Variants in PTPN6 observed in about 807,000 individuals in gnomAD.
The protein encoded by PTPN6 is protein tyrosine phosphatase non-receptor type 6.
PTPN6 carries 18 observed loss-of-function variants against 81.5 expected under a neutral mutation model. The ratio of observed to expected loss-of-function variants is 0.22; its 90% CI spans 0.15 to 0.33. The LOEUF is 0.33. PTPN6 is among the 10% of genes least tolerant of loss of function. The pLI is 1.00. For synonymous variants in PTPN6, 301 were observed against 310.9 expected (o/e 0.97, Z 0.33); for missense variants, 500 against 794.2 (o/e 0.63, Z 4.45).
rs373232792 is a variant in PTPN6, at chr12:6,960,032, C to T, written c.1429+38C>T. 1.3e-4 allele frequency: 212 copies of T among 1,612,070 alleles called. No individual in the cohort carries two copies. Among genetic ancestry groups the T allele is most frequent in the Admixed American group, 2.3e-4 (14 of 60,000 alleles). ...TGGGGGTTTGGGGGTGGGGGGTGAG[C>T]AGCCCCTCGGTGTCCGCCTATGCCT... On this transcript the variant is annotated intron_variant, in intron 12 of 15. Transcript: ENST00000318974. The surrounding 1 kb of genome is among the most constrained non-coding windows in gnomAD (Gnocchi z 6.1).
chr12:6,960,549 A>G lies in PTPN6; in HGVS notation c.1673+114A>G. The stretch of plus-strand genomic sequence containing the variant: ...GCTGGGGGGACCTGGCTTCAAGTTC[A>G]GGCTTGGTTCTCACCCCTTCTGTTC... On this transcript the variant is annotated intron_variant, in intron 14 of 15. Transcript: ENST00000318974. The surrounding 1 kb of genome is among the most constrained non-coding windows in gnomAD (Gnocchi z 6.1). 1 of 1,435,740 alleles carries G rather than the reference A, an allele frequency of 7.0e-7. No homozygotes were observed. The highest frequency in any genetic ancestry group is 9.6e-7 in the Non-Finnish European group (1 of 1,042,910). The allele number at this position is 1,435,740 out of a possible 1,614,324, so 88.9% of individuals were successfully genotyped here.
intron 11 of PTPN6, among the ~76,000 whole-genome samples, chr12:6,958,702 G>C (rs1294344947): frequency 6.6e-6 from 1 of 152,194 alleles, no homozygotes; most frequent in African/African-American, 2.4e-5. Flanking sequence ...GTGCAGAGGT[G>C]GGGGCTGCAA....
Position 6,958,054 on chromosome 12 carries a change from C to G in PTPN6, c.1342C>G (p.Pro448Ala), listed in dbSNP as rs782404245. 1 of 1,612,198 alleles carries G rather than the reference C, an allele frequency of 6.2e-7. No homozygotes were observed. The highest frequency in any genetic ancestry group is 8.5e-7 in the Non-Finnish European group (1 of 1,180,030). Residue 448 changes from proline (P) to alanine (A), a missense_variant, in exon 11 of 16, where the codon CCC becomes GCC. Pro to Ala is a conservative substitution (Grantham distance 27). Around this residue, in one of 6 missense-constraint regions of PTPN6, gnomAD observed 226 missense variants for 364.4 expected, o/e 0.62. Coordinates refer to ENST00000318974, the MANE Select transcript of PTPN6 (RefSeq NM_002831.6). ...GCAGGAAAGTCTGCCTCACGCAGGG[C>G]CCATCATCGTGCACTGCAGGTGAGG... is the stretch of plus-strand genomic sequence containing the variant. The part of the protein sequence containing the change: ...QRQESLPHAG[P>A]IIVHCSAGIG...
Position 6,957,792 on chromosome 12 carries a change from G to A in PTPN6, c.1206+7G>A. ...GGTCTCCCCGCTGGACAATGTGAGT[G>A]GCCCCCACGCCCTGCCCCATTCCGG... On this transcript the variant is annotated splice_region_variant and intron_variant, in intron 10 of 15. Transcript: ENST00000318974. This position sits in a 1 kb window ranked among gnomAD's most constrained non-coding sequence, Gnocchi z 6.5. 4 of 1,614,112 alleles carry A rather than the reference G, an allele frequency of 2.5e-6. No individual in the cohort carries two copies. Among genetic ancestry groups the A allele is most frequent in the Non-Finnish European group, 3.4e-6 (4 of 1,180,032 alleles).
chr12:6,957,642 C>G lies in PTPN6; in HGVS notation c.1075-12C>G. 1 of 1,607,788 alleles carries G rather than the reference C, an allele frequency of 6.2e-7. No individual in the cohort carries two copies. Among genetic ancestry groups the G allele is most frequent in the Non-Finnish European group, 8.5e-7 (1 of 1,175,970 alleles). On this transcript the variant is annotated splice_polypyrimidine_tract_variant and intron_variant, in intron 9 of 15. Transcript: ENST00000318974. This position sits in a 1 kb window ranked among gnomAD's most constrained non-coding sequence, Gnocchi z 6.5. Reference sequence around the variant, plus strand: ...CTCTGTGCCTCATCCCCACCCGACCCTCCCTTTCCAGAACAAATGCGTCCC... The same window carrying G: ...CTCTGTGCCTCATCCCCACCCGACCGTCCCTTTCCAGAACAAATGCGTCCC...
At chr12:6,948,419 AG>A (rs1945862831), upstream of PTPN6, among the ~76,000 whole-genome samples, 1 of 148,874 alleles carries the variant, frequency 6.7e-6, no homozygotes, top group Non-Finnish European at 1.5e-5. Context: ...TGGGTGATAA[AG>A]CAAGATTCTG....
chr12:6,959,633 G>A lies in PTPN6; in HGVS notation c.1362-294G>A, dbSNP rs1273255338. The A allele has an allele frequency of 1.8e-5, 10 of 560,410 alleles. No individual in the cohort carries two copies. The highest frequency in any genetic ancestry group is 6.1e-5 in the South Asian group (3 of 49,162). The allele number at this position is 560,410 out of a possible 1,614,324, so 34.7% of individuals were successfully genotyped here. Reference sequence around the variant, plus strand: ...GGGATTTGGGGGTCCCAGGTCTTCCGGGGTGGGGGCAGCCACTCACTAGGA... The same window carrying A: ...GGGATTTGGGGGTCCCAGGTCTTCCAGGGTGGGGGCAGCCACTCACTAGGA... On this transcript the variant is annotated intron_variant, in intron 11 of 15. Transcript: ENST00000318974. The surrounding 1 kb of genome is among the most constrained non-coding windows in gnomAD (Gnocchi z 6.6).
chr12:6,946,766 C>A, upstream of PTPN6: 1 of 1,605,902 alleles, frequency 6.2e-7, no homozygotes. Context: ...ATCGGGGTCC[C>A]AGTCTCCTGT....
intron 11 of PTPN6, among the ~76,000 whole-genome samples, chr12:6,958,638 A>G (rs782390232): frequency 4.6e-5 from 7 of 152,174 alleles, no homozygotes; most frequent in African/African-American, 9.7e-5. Flanking sequence ...GGGGCTGCAC[A>G]TAACTCCTCT....
chr12:6,947,004 C>T (rs781791364), upstream of PTPN6, among the ~76,000 whole-genome samples: 1 of 152,310 alleles, frequency 6.6e-6, no homozygotes, highest in South Asian at 2.1e-4. Flanking sequence ...AGCCTCTGGG[C>T]TCCTGCTTCT....
Position 6,955,301 on chromosome 12 carries a change from C to A in PTPN6, c.633+34C>A, listed in dbSNP as rs782041297. 17 of 1,611,700 alleles carry A rather than the reference C, an allele frequency of 1.1e-5. 1 individual carries two copies. The highest frequency in any genetic ancestry group is 2.2e-5 in the East Asian group (1 of 44,878). On this transcript the variant is annotated intron_variant, in intron 5 of 15. Coordinates refer to ENST00000318974, the MANE Select transcript of PTPN6 (RefSeq NM_002831.6). The surrounding 1 kb of genome is among the most constrained non-coding windows in gnomAD (Gnocchi z 7.2). ...TGGGCCCAGCTGCCTCCCCACTTCC[C>A]CTGAGCTGTCCCCCAGATGTGAGCT... is the stretch of plus-strand genomic sequence containing the variant.
upstream of PTPN6, among the ~76,000 whole-genome samples, chr12:6,949,678 A>G (rs782744641): frequency 2.0e-5 from 3 of 152,226 alleles, no homozygotes; most frequent in East Asian, 1.9e-4. Context: ...TTTGGGAAAT[A>G]TTGTTAAGCT....
In PTPN6 at chr12:6,960,265, G is replaced by GGT. The variant is rs782294190; in HGVS notation, c.1581+27_1581+28insTG. The stretch of plus-strand genomic sequence containing the variant: ...GTGCGTGCAGAGCAGGGCCTGGGGG[G>GGT]GGGGGGGGCTGCAGTGCAGGATGGG... On this transcript the variant is annotated intron_variant, in intron 13 of 15. Coordinates refer to ENST00000318974, the MANE Select transcript of PTPN6 (RefSeq NM_002831.6). This position sits in a 1 kb window ranked among gnomAD's most constrained non-coding sequence, Gnocchi z 6.1. The GGT allele has an allele frequency of 2.5e-6, 4 of 1,606,930 alleles. No homozygotes were observed. The Admixed American group carries it at 5.0e-5, about 20-fold the overall frequency.
chr12:6,951,580 C>T lies in PTPN6; in HGVS notation c.9-29C>T. The T allele has an allele frequency of 6.2e-7, 1 of 1,613,884 alleles. No individual in the cohort carries two copies. The highest frequency in any genetic ancestry group is 8.5e-7 in the Non-Finnish European group (1 of 1,179,942). On this transcript the variant is annotated intron_variant, in intron 1 of 15. Coordinates refer to ENST00000318974, the MANE Select transcript of PTPN6 (RefSeq NM_002831.6). The surrounding 1 kb of genome is among the most constrained non-coding windows in gnomAD (Gnocchi z 7.2). ...AGGGTGCCTGGTGCCCACGGGACCC[C>T]TCCTCACTGCCCTGCCTGGGCCGCC...
rs375331892 is a variant in PTPN6 at position 6,955,147 on chromosome 12, C to T, written c.517-4C>T. 1 of 1,614,140 alleles carries T rather than the reference C, an allele frequency of 6.2e-7. No individual in the cohort carries two copies. The highest frequency in any genetic ancestry group is 2.2e-5 in the East Asian group (1 of 44,884). The stretch of plus-strand genomic sequence containing the variant: ...TGTGAATGGCCTAATTTGGCTCCCC[C>T]CAGGGTGGACGCTACACAGTGGGTG... On this transcript the variant is annotated splice_polypyrimidine_tract_variant and splice_region_variant and intron_variant, in intron 4 of 15. Transcript: ENST00000318974. This position sits in a 1 kb window ranked among gnomAD's most constrained non-coding sequence, Gnocchi z 7.2.
At position 6,955,189 on chromosome 12, in the gene PTPN6, C is replaced by T. The variant is rs2138268971; in HGVS notation, c.555C>T (p.Asp185=). ...CAGTGGGTGGTTTGGAGACCTTCGA[C>T]AGCCTCACGGACCTGGTGGAGCATT... The part of the protein sequence containing the change: ...RYTVGGLETF[D]SLTDLVEHFK... The change falls in exon 5 of 16, where the codon GAC becomes GAT. Residue 185 remains aspartate, a synonymous_variant. Transcript: ENST00000318974. This position sits in a 1 kb window ranked among gnomAD's most constrained non-coding sequence, Gnocchi z 7.2. 6.2e-7 allele frequency: 1 copy of T among 1,614,220 alleles called. No individual in the cohort carries two copies. The highest frequency in any genetic ancestry group is 8.5e-7 in the Non-Finnish European group (1 of 1,180,032).
chr12:6,959,303 T>G lies in PTPN6; in HGVS notation c.1362-624T>G. On this transcript the variant is annotated intron_variant, in intron 11 of 15. Transcript: ENST00000318974. This position sits in a 1 kb window ranked among gnomAD's most constrained non-coding sequence, Gnocchi z 6.6. The stretch of plus-strand genomic sequence containing the variant: ...GGGTGTGGGGGGTTATTTTTGACAA[T>G]CTGGGTTTGAAATTAGACAGCGCGA... 6.4e-6 allele frequency: 1 copy of G among 156,572 alleles called. No homozygotes were observed. Among genetic ancestry groups the G allele is most frequent in the Non-Finnish European group, 1.4e-5 (1 of 70,640 alleles). 9.7% of individuals were successfully genotyped at this position (156,572 alleles called of 1,614,324 possible).
rs782740774 is a variant in PTPN6, at chr12:6,960,337, C to T, written c.1582-7C>T. On this transcript the variant is annotated splice_region_variant and splice_polypyrimidine_tract_variant and intron_variant, in intron 13 of 15. Transcript: ENST00000318974. The surrounding 1 kb of genome is among the most constrained non-coding windows in gnomAD (Gnocchi z 6.1). ...CCACCACCTTCCCACTGTCCCTCTG[C>T]CCACAGTCGCAGAAGGGCCAGGAGT... The T allele has an allele frequency of 1.2e-6, 2 of 1,613,012 alleles. No individual in the cohort carries two copies. The highest frequency in any genetic ancestry group is 1.1e-5 in the South Asian group (1 of 91,072).
chr12:6,954,642 C>T lies in PTPN6; in HGVS notation c.327-163C>T, dbSNP rs117089024. Among the ~76,000 whole-genome samples the T allele has an allele frequency of 9.7e-3, 1,483 of 152,316 alleles. 11 individuals are homozygous for T. Among genetic ancestry groups the T allele is most frequent in the Non-Finnish European group, 0.014 (934 of 68,022 alleles). ...GGGTAATATCATACCTAGCTCTCAG[C>T]ATGTTTGTGAGAGACCTAAATGAGG... On this transcript the variant is annotated intron_variant, in intron 3 of 15. Transcript: ENST00000318974. The surrounding 1 kb of genome is among the most constrained non-coding windows in gnomAD (Gnocchi z 5.4).
Sources: allele counts gnomAD v4.1 joint callset (sites outside exome capture counted in the v4.1 genomes callset), GRCh38; gene constraint gnomAD v4.1.1; regional missense constraint gnomAD v4.1.1; non-coding constraint Gnocchi (gnomAD v3.1); transcripts MANE v1.5; gene names NCBI Gene and HGNC (gene_info 2026-07-23, HGNC 2026-07-21).